The following ALCAM variants were observed in gnomAD, a reference collection of about 807,000 sequenced individuals.
ALCAM encodes CD166 antigen.
In ALCAM, 30 loss-of-function variants were observed where a neutral mutation model predicts 70.9. The ratio of observed to expected loss-of-function variants is 0.42; its 90% CI spans 0.32 to 0.57. The LOEUF is 0.57. Ranked by LOEUF, ALCAM falls within the 20% of genes least tolerant of loss-of-function variation. ALCAM has a pLI of 0.11. For missense variants in ALCAM, 591 were observed against 695.1 expected (o/e 0.85, Z 1.68); for synonymous variants, 249 against 242.5 (o/e 1.03, Z -0.25).
At chr3:105,463,432 T>C (rs1469549467) in intron 1 of ALCAM, among the ~76,000 whole-genome samples, 1 of 151,542 alleles carries the variant, frequency 6.6e-6, no homozygotes, top group East Asian at 1.9e-4. Context: ...TCAAAAGTTA[T>C]AGCTACCTTT....
intron 1 of ALCAM, among the ~76,000 whole-genome samples, chr3:105,398,036 C>A (rs569118015): frequency 6.6e-6 from 1 of 152,074 alleles, no homozygotes; most frequent in African/African-American, 2.4e-5. Flanking sequence ...TAAACTTGCA[C>A]GTGCCTCTCA....
intron 1 of ALCAM, among the ~76,000 whole-genome samples, chr3:105,472,449 A>G (rs1439945876): frequency 1.3e-5 from 2 of 151,564 alleles, no homozygotes; most frequent in African/African-American, 4.8e-5. Flanking sequence ...AGTTGCCTTG[A>G]TAATCCTAAG....
intron 1 of ALCAM, among the ~76,000 whole-genome samples, chr3:105,385,934 G>T (rs1450546154): frequency 6.6e-6 from 1 of 151,532 alleles, no homozygotes; most frequent in African/African-American, 2.4e-5. Flanking sequence ...CTGAAGACTT[G>T]TCTATATAGG....
intron 5 of ALCAM, 92 bp downstream of exon 5, chr3:105,533,782 A>G: frequency 8.2e-7 from 1 of 1,217,004 alleles, no homozygotes; most frequent in Non-Finnish European, 1.2e-6. Context: ...GTGGTCTCCA[A>G]CCTTTTTGGC....
chr3:105,436,202 G>A (rs570629865), intron 1 of ALCAM, among the ~76,000 whole-genome samples: 79 of 152,200 alleles, frequency 5.2e-4, no homozygotes, highest in Non-Finnish European at 9.9e-4. Flanking sequence ...ATTTGGATGG[G>A]GACACAGAGC....
intron 1 of ALCAM, among the ~76,000 whole-genome samples, chr3:105,498,560 C>T (rs1938826139): frequency 6.6e-6 from 1 of 151,792 alleles, no homozygotes; most frequent in African/African-American, 2.4e-5. Context: ...TATAATTTTA[C>T]CTGCCTTGAT....
intron 8 of ALCAM, among the ~76,000 whole-genome samples, chr3:105,542,962 T>A (rs895084423): frequency 2.0e-5 from 3 of 151,764 alleles, no homozygotes; most frequent in East Asian, 1.9e-4. Context: ...AACAATATTA[T>A]CCAGTCCTGT....
At chr3:105,466,880 G>A (rs887616700) in intron 1 of ALCAM, among the ~76,000 whole-genome samples, 1 of 151,282 alleles carries the variant, frequency 6.6e-6, no homozygotes, top group Non-Finnish European at 1.5e-5. Context: ...GATTTTATCA[G>A]TCTCACACAG....
At chr3:105,417,967 G>A (rs1278642162) in intron 1 of ALCAM, among the ~76,000 whole-genome samples, 1 of 151,514 alleles carries the variant, frequency 6.6e-6, no homozygotes, top group Non-Finnish European at 1.5e-5. Context: ...ATAATCTGAG[G>A]AGGAGATGCA....
chr3:105,531,049 T>C (rs1939826465), intron 3 of ALCAM, among the ~76,000 whole-genome samples: 1 of 152,082 alleles, frequency 6.6e-6, no homozygotes, highest in Admixed American at 6.5e-5. Context: ...CATTTGCTTA[T>C]AAGAAAATAG....
At chr3:105,516,920 A>C (rs2152621682) in intron 1 of ALCAM, among the ~76,000 whole-genome samples, 1 of 152,206 alleles carries the variant, frequency 6.6e-6, no homozygotes, top group Admixed American at 6.5e-5. Context: ...ACTAACAAAT[A>C]TTACAGGGAG....
At chr3:105,371,577 C>T (rs1935234336) in intron 1 of ALCAM, among the ~76,000 whole-genome samples, 1 of 151,080 alleles carries the variant, frequency 6.6e-6, no homozygotes, top group Admixed American at 6.6e-5. Flanking sequence ...AACCGTGGGC[C>T]TTTGTAAAAC....
chr3:105,478,288 A>C lies in ALCAM; in HGVS notation c.74-41779A>C, dbSNP rs180967782. Among the ~76,000 whole-genome samples the C allele has an allele frequency of 2.0e-3, 310 of 152,176 alleles. 2 individuals carry two copies. The highest frequency in any genetic ancestry group is 7.1e-3 in the African/African-American group (294 of 41,532). ...GCTTAAATTTTTGTTATGTTCTTTT[A>C]ATCTTCTACAGGCTTCTTGGAGTCT... is the stretch of plus-strand genomic sequence containing the variant. On this transcript the variant is annotated intron_variant, in intron 1 of 15. Coordinates refer to ENST00000306107, the MANE Select transcript of ALCAM (RefSeq NM_001627.4).
chr3:105,465,081 A>G (rs1409188897), intron 1 of ALCAM, among the ~76,000 whole-genome samples: 1 of 151,538 alleles, frequency 6.6e-6, no homozygotes, highest in South Asian at 2.1e-4. Flanking sequence ...AAAAAATAGT[A>G]TCACTTAGAA....
In ALCAM at chr3:105,533,694, G is replaced by A. The variant is rs1261677317; in HGVS notation, c.547+4G>A. 1.9e-6 allele frequency: 3 copies of A among 1,610,224 alleles called. No individual in the cohort carries two copies. The highest frequency in any genetic ancestry group is 2.7e-5 in the African/African-American group (2 of 74,876). On this transcript the variant is annotated splice_donor_region_variant and intron_variant, in intron 5 of 15. Coordinates refer to ENST00000306107, the MANE Select transcript of ALCAM (RefSeq NM_001627.4). ...GTGCTACATCCCCTTGAAGGAGGTG[G>A]GTGTGAGGGCAGGAGGACAGGGAGT...
At chr3:105,429,834 A>G (rs1011340201) in intron 1 of ALCAM, among the ~76,000 whole-genome samples, 3 of 152,022 alleles carry the variant, frequency 2.0e-5, no homozygotes, top group Admixed American at 6.6e-5. Flanking sequence ...TTATTGATCT[A>G]CATTAAATTA....
At chr3:105,423,217 G>C (rs972828689) in intron 1 of ALCAM, among the ~76,000 whole-genome samples, 1 of 150,972 alleles carries the variant, frequency 6.6e-6, no homozygotes, top group Non-Finnish European at 1.5e-5. Context: ...TAATATCCTT[G>C]GTTCTTTGAG....
intron 1 of ALCAM, among the ~76,000 whole-genome samples, chr3:105,407,802 T>C (rs182825282): frequency 6.6e-6 from 1 of 152,192 alleles, no homozygotes; most frequent in Non-Finnish European, 1.5e-5. Flanking sequence ...TGGTTATATA[T>C]CTAGAAAATC....
chr3:105,393,436 A>G (rs547960130), intron 1 of ALCAM, among the ~76,000 whole-genome samples: 4 of 151,992 alleles, frequency 2.6e-5, no homozygotes, highest in Admixed American at 6.6e-5. Context: ...TAAATTTTGT[A>G]TCAATAATTT....
Sources: gnomAD v4.1 joint callset for allele counts (sites outside exome capture counted in the v4.1 genomes callset) on GRCh38, gnomAD v4.1.1 for gene constraint, MANE v1.5 for transcripts, NCBI Gene and HGNC (gene_info 2026-07-23, HGNC 2026-07-21) for gene names.